Variants in HS3ST3B1 observed in about 807,000 individuals in gnomAD.
The protein encoded by HS3ST3B1 is heparan sulfate glucosamine 3-O-sulfotransferase 3B1.
A neutral mutation model predicts 21.3 loss-of-function variants in HS3ST3B1; 13 were observed. That is an observed-to-expected ratio of 0.61 (90% CI 0.40 to 0.97). The LOEUF (loss-of-function observed/expected upper bound fraction) is 0.97. HS3ST3B1 is among the 50% of genes least tolerant of loss of function. HS3ST3B1 has a pLI of 0.00. For missense variants in HS3ST3B1, 459 were observed against 554.8 expected (o/e 0.83, Z 1.73); for synonymous variants, 234 against 254.8 (o/e 0.92, Z 0.78).
intron 1 of HS3ST3B1, among the ~76,000 whole-genome samples, chr17:14,308,040 A>G (rs1909189712): frequency 6.6e-6 from 1 of 152,256 alleles, no homozygotes; most frequent in South Asian, 2.1e-4. Flanking sequence ...AGATACTGAT[A>G]TCTTTGAAAA....
intron 1 of HS3ST3B1, among the ~76,000 whole-genome samples, chr17:14,323,025 C>T (rs1305473852): frequency 6.6e-6 from 1 of 151,706 alleles, no homozygotes; most frequent in Admixed American, 6.6e-5. Flanking sequence ...CCTGCCTCAG[C>T]CTCCTGAGTA....
chr17:14,343,250 A>AAAAAG (rs1555550378), intron 1 of HS3ST3B1, among the ~76,000 whole-genome samples: 1 of 152,016 alleles, frequency 6.6e-6, no homozygotes, highest in Non-Finnish European at 1.5e-5. Flanking sequence ...TCAAAAAAAA[A>AAAAAG]AAAAGAAAAG....
At chr17:14,333,627 A>G (rs1910092072) in intron 1 of HS3ST3B1, among the ~76,000 whole-genome samples, 1 of 151,510 alleles carries the variant, frequency 6.6e-6, no homozygotes, top group South Asian at 2.1e-4. Context: ...TGTTGGGAGG[A>G]GTAGGGGATG....
At chr17:14,337,010 A>G (rs1910204774) in intron 1 of HS3ST3B1, among the ~76,000 whole-genome samples, 2 of 152,324 alleles carry the variant, frequency 1.3e-5, no homozygotes, top group South Asian at 2.1e-4. Context: ...GAGTGCATTC[A>G]TATGCTCTAA....
At chr17:14,329,535 G>T (rs9905829) in intron 1 of HS3ST3B1, 1 of 150,328 alleles carries the variant, frequency 6.7e-6, no homozygotes, top group Non-Finnish European at 1.5e-5. Context: ...GAAAAAGAAA[G>T]GAAAAGAAGA....
chr17:14,313,102 G>GTGTGTATATATAGACATATATATATA, intron 1 of HS3ST3B1, among the ~76,000 whole-genome samples: 1 of 95,698 alleles, frequency 1.0e-5, no homozygotes, highest in South Asian at 4.0e-4. Context: ...TGGTGTGTGT[G>GTGTGTATATATAGACATATATATATA]TGTGTGTATA....
Position 14,301,940 on chromosome 17 carries a change from T to C in HS3ST3B1, c.422T>C (p.Ile141Thr). The C allele has an allele frequency of 6.2e-7, 1 of 1,609,904 alleles. No homozygotes were observed. The highest frequency in any genetic ancestry group is 8.5e-7 in the Non-Finnish European group (1 of 1,178,724). ...GGGAGCAAGCAGCTGCCGCAGGCCA[T>C]CATCATCGGCGTGAAGAAGGGCGGC... ...GSGSKQLPQAIIIGVKKGGTR... is the reference protein window; with the variant it reads ...GSGSKQLPQATIIGVKKGGTR... Residue 141 changes from isoleucine (I) to threonine (T), a missense_variant, in exon 1 of 2, where the codon ATC (isoleucine) becomes ACC (threonine). By Grantham distance (89) the Ile-to-Thr change is moderately conservative (BLOSUM62 -1). Around this residue, in one of 3 missense-constraint regions of HS3ST3B1, gnomAD observed 317 missense variants for 278.6 expected, o/e 1.14. Transcript: ENST00000360954.
chr17:14,335,219 G>C (rs1183614633), intron 1 of HS3ST3B1, among the ~76,000 whole-genome samples: 1 of 152,126 alleles, frequency 6.6e-6, no homozygotes, highest in African/African-American at 2.4e-5. Flanking sequence ...TCTTGGGATT[G>C]GTGTGAGAAC....
At chr17:14,331,177 A>G (rs1909999344) in intron 1 of HS3ST3B1, among the ~76,000 whole-genome samples, 1 of 152,204 alleles carries the variant, frequency 6.6e-6, no homozygotes, top group South Asian at 2.1e-4. Flanking sequence ...ACACAGGATC[A>G]TTGATTTCAC....
chr17:14,309,971 T>G (rs924525284), intron 1 of HS3ST3B1, among the ~76,000 whole-genome samples: 4 of 152,222 alleles, frequency 2.6e-5, no homozygotes, highest in Non-Finnish European at 5.9e-5. Context: ...CACGTTTCGT[T>G]TCTCCCTTTT....
intron 1 of HS3ST3B1, among the ~76,000 whole-genome samples, chr17:14,314,791 T>C (rs1321666212): frequency 6.6e-6 from 1 of 152,206 alleles, no homozygotes; most frequent in African/African-American, 2.4e-5. Flanking sequence ...CTGGGCAGCT[T>C]CTCTCATTTG....
intron 1 of HS3ST3B1, chr17:14,304,835 C>T (rs916292419): frequency 6.6e-6 from 1 of 152,178 alleles, no homozygotes; most frequent in Admixed American, 6.5e-5. Context: ...GAACAAAAAA[C>T]GATGGGGACG....
At position 14,347,435 on chromosome 17, in the gene HS3ST3B1, A is replaced by C. The variant is rs1910612257; in HGVS notation, c.*1789A>C. The C allele has an allele frequency of 6.6e-6, 1 of 152,236 alleles. No homozygotes were observed. Among genetic ancestry groups the C allele is most frequent in the Non-Finnish European group, 1.5e-5 (1 of 68,040 alleles). The allele number at this position is 152,236 out of a possible 1,614,324, so 9.4% of individuals were successfully genotyped here. On this transcript the variant is annotated 3_prime_UTR_variant, in exon 2 of 2. Transcript: ENST00000360954. ...CAGTTTTTTAAACCAGAATGCTTCT[A>C]CCATAAAAGAATTGTGATTTCAGTT...
rs60800866 is a variant in HS3ST3B1 at position 14,326,921 on chromosome 17, CAAAAA to C, written c.555-18086_555-18082del. On this transcript the variant is annotated intron_variant, in intron 1 of 1. Transcript: ENST00000360954. The stretch of plus-strand genomic sequence containing the variant: ...GGGCAACAAGAGTGAAACTCTGTCT[CAAAAA>C]AAAAAAAAAAAAAAAAAAAAGAAGA... Among the ~76,000 whole-genome samples the C allele has an allele frequency of 6.1e-3, 369 of 60,456 alleles. 3 individuals are homozygous for C. The highest frequency in any genetic ancestry group is 0.018 in the African/African-American group (349 of 19,534). The allele number at this position is 60,456 out of a possible 152,430, so 39.7% of individuals were successfully genotyped here.
intron 1 of HS3ST3B1, among the ~76,000 whole-genome samples, chr17:14,319,498 C>T (rs968897667): frequency 2.0e-5 from 3 of 152,108 alleles, no homozygotes; most frequent in African/African-American, 4.8e-5. Context: ...ATTTTCGTTT[C>T]GTTTCTTAGA....
chr17:14,325,575 T>C (rs1909784423), intron 1 of HS3ST3B1, among the ~76,000 whole-genome samples: 2 of 152,188 alleles, frequency 1.3e-5, no homozygotes, highest in Admixed American at 1.3e-4. Flanking sequence ...TTGCAGAGTC[T>C]CTCAAAAGCA....
At position 14,331,574 on chromosome 17, in the gene HS3ST3B1, T is replaced by G. The variant is rs552095317; in HGVS notation, c.555-13454T>G. Among the ~76,000 whole-genome samples, 15 of 151,794 alleles carry G rather than the reference T, an allele frequency of 9.9e-5. No individual in the cohort carries two copies. The South Asian group carries it at 3.1e-3, about 32-fold the overall frequency. ...CTGGAAGAGGAGGAGGGCTCGGGAG[T>G]CCATCCCTTGTTATTTTTCTTCTTT... On this transcript the variant is annotated intron_variant, in intron 1 of 1. Transcript: ENST00000360954.
intron 1 of HS3ST3B1, among the ~76,000 whole-genome samples, chr17:14,308,743 C>T (rs1037190693): frequency 2.0e-5 from 3 of 152,250 alleles, no homozygotes; most frequent in African/African-American, 7.2e-5. Context: ...AGCCCAGACT[C>T]TCTCGCCAAG....
intron 1 of HS3ST3B1, among the ~76,000 whole-genome samples, chr17:14,334,060 C>A (rs1165393651): frequency 2.6e-5 from 4 of 152,170 alleles, no homozygotes; most frequent in Non-Finnish European, 4.4e-5. Flanking sequence ...CGCGCCCGGC[C>A]AAGGCTGAGA....
Sources: gnomAD v4.1 joint callset for allele counts (sites outside exome capture counted in the v4.1 genomes callset) on GRCh38, gnomAD v4.1.1 for gene constraint, gnomAD v4.1.1 regional missense constraint, MANE v1.5 for transcripts, NCBI Gene and HGNC (gene_info 2026-07-23, HGNC 2026-07-21) for gene names.